ADGRL3: variants seen among roughly 807,000 people sequenced by gnomAD.
ADGRL3 encodes calcium-independent alpha-latrotoxin receptor 3.
Under a neutral mutation model 153.5 loss-of-function variants are expected in ADGRL3, and 62 were observed. The ratio of observed to expected loss-of-function variants is 0.40; its 90% CI spans 0.33 to 0.50. The LOEUF (loss-of-function observed/expected upper bound fraction) is 0.50, where lower values mean the gene tolerates loss of function less well. ADGRL3 is among the 20% of genes least tolerant of loss of function. The pLI is 0.47. For synonymous variants in ADGRL3, 710 were observed against 672.5 expected (o/e 1.06, Z -0.86); for missense variants, 1,641 against 1,859.4 (o/e 0.88, Z 2.16).
chr4:61,335,947 G>A (rs1177711077), intron 1 of ADGRL3, among the ~76,000 whole-genome samples: 1 of 152,092 alleles, frequency 6.6e-6, no homozygotes, highest in Non-Finnish European at 1.5e-5. Context: ...ACTATTTGAA[G>A]CTGTGCTCTC....
intron 9 of ADGRL3, among the ~76,000 whole-genome samples, chr4:61,841,959 G>A (rs955421694): frequency 3.9e-5 from 6 of 152,200 alleles, no homozygotes; most frequent in Admixed American, 2.6e-4. Flanking sequence ...AGCCAGCAGG[G>A]TTGACACCAT....
chr4:61,605,582 T>C (rs2099029429), intron 5 of ADGRL3, among the ~76,000 whole-genome samples: 1 of 152,198 alleles, frequency 6.6e-6, no homozygotes, highest in Non-Finnish European at 1.5e-5. Context: ...GTGTGAGTAG[T>C]TATAGTCTAG....
chr4:61,868,596 T>C (rs2098416989), intron 9 of ADGRL3, among the ~76,000 whole-genome samples: 1 of 152,230 alleles, frequency 6.6e-6, no homozygotes, highest in African/African-American at 2.4e-5. Flanking sequence ...TTAACTTTAC[T>C]GTTGATTATA....
intron 5 of ADGRL3, among the ~76,000 whole-genome samples, chr4:61,626,885 G>A (rs2092862721): frequency 6.6e-6 from 1 of 152,060 alleles, no homozygotes; most frequent in African/African-American, 2.4e-5. Context: ...CTTAGAGGTA[G>A]TGCACAGTTG....
At chr4:61,359,305 A>G (rs1217653667) in intron 1 of ADGRL3, among the ~76,000 whole-genome samples, 2 of 152,336 alleles carry the variant, frequency 1.3e-5, no homozygotes, top group Non-Finnish European at 2.9e-5. Context: ...TATAAGTTGT[A>G]TCATGTTACT....
At chr4:61,545,621 C>T (rs1471215258) in intron 4 of ADGRL3, among the ~76,000 whole-genome samples, 1 of 152,196 alleles carries the variant, frequency 6.6e-6, no homozygotes, top group African/African-American at 2.4e-5. Flanking sequence ...TCAAGTGATT[C>T]TCCGGCCTCA....
chr4:61,480,719 G>T (rs1174635612), intron 2 of ADGRL3, among the ~76,000 whole-genome samples: 2 of 152,032 alleles, frequency 1.3e-5, no homozygotes, highest in Non-Finnish European at 2.9e-5. Context: ...GGAGGCAGAG[G>T]TTGCCATGAG....
At chr4:61,908,177 T>C (rs1560358052) in intron 11 of ADGRL3, among the ~76,000 whole-genome samples, 1 of 151,996 alleles carries the variant, frequency 6.6e-6, no homozygotes, top group Non-Finnish European at 1.5e-5. Flanking sequence ...CATTGGAGGA[T>C]GAGCTGGGAG....
chr4:61,711,468 A>C (rs977734695), intron 6 of ADGRL3, among the ~76,000 whole-genome samples: 2 of 87,772 alleles, frequency 2.3e-5, no homozygotes, highest in African/African-American at 9.0e-5. Flanking sequence ...TTATATATAT[A>C]TATATATATA....
intron 21 of ADGRL3, among the ~76,000 whole-genome samples, chr4:62,013,024 G>A (rs2099193694): frequency 6.6e-6 from 1 of 152,126 alleles, no homozygotes; most frequent in South Asian, 2.1e-4. Flanking sequence ...GATGAGTTTG[G>A]GAGCTGTACA....
intron 1 of ADGRL3, among the ~76,000 whole-genome samples, chr4:61,296,748 T>G (rs2094426541): frequency 6.6e-6 from 1 of 152,200 alleles, no homozygotes. Context: ...TATGATATTG[T>G]GTACCTTTAT....
chr4:61,537,391 G>A (rs1489141168), intron 4 of ADGRL3, among the ~76,000 whole-genome samples: 2 of 151,930 alleles, frequency 1.3e-5, no homozygotes, highest in Admixed American at 6.6e-5. Context: ...TCTTGCAAGT[G>A]TTAATTTACT....
At chr4:61,908,086 G>A (rs138128793) in intron 11 of ADGRL3, among the ~76,000 whole-genome samples, 11 of 152,112 alleles carry the variant, frequency 7.2e-5, no homozygotes, top group African/African-American at 2.2e-4. Flanking sequence ...GAAGGATAGC[G>A]TAAGACCAGG....
chr4:61,424,085 CAG>C (rs772525527), intron 2 of ADGRL3, among the ~76,000 whole-genome samples: 2 of 152,084 alleles, frequency 1.3e-5, no homozygotes, highest in South Asian at 2.1e-4. Flanking sequence ...AAAGAACACT[CAG>C]GGGGTGAAGG....
At chr4:61,238,896 A>G (rs1433111558) in intron 1 of ADGRL3, among the ~76,000 whole-genome samples, 1 of 152,168 alleles carries the variant, frequency 6.6e-6, no homozygotes, top group African/African-American at 2.4e-5. Flanking sequence ...CTGATTTATG[A>G]CATGAAAATT....
chr4:61,340,890 G>A (rs2095795707), intron 1 of ADGRL3, among the ~76,000 whole-genome samples: 1 of 151,424 alleles, frequency 6.6e-6, no homozygotes, highest in African/African-American at 2.4e-5. Context: ...ATACCAATAT[G>A]TTTTTCCATT....
At position 62,026,870 on chromosome 4, in the gene ADGRL3, A is replaced by G. The variant is rs1718923921; in HGVS notation, c.3396-1985A>G. ...ATGATGGATACATTAATTTGCTTCA[A>G]TATAGTAACTGTTTTACTATCTACA... On this transcript the variant is annotated intron_variant, in intron 21 of 26. Coordinates refer to ENST00000683033, the MANE Select transcript of ADGRL3 (RefSeq NM_001387552.1). Among the ~76,000 whole-genome samples the G allele has an allele frequency of 2.0e-5, 3 of 152,120 alleles. No homozygotes were observed. In the South Asian group the frequency reaches 6.2e-4, roughly 31 times the overall value.
intron 2 of ADGRL3, among the ~76,000 whole-genome samples, chr4:61,428,935 ATCTATCTG>A (rs757931769): frequency 4.2e-5 from 6 of 142,686 alleles, no homozygotes; most frequent in Admixed American, 7.3e-5. Context: ...CTATCTATCT[ATCTATCTG>A]TCATTCCAGA....
At chr4:61,713,365 C>T (rs1354522165) in intron 6 of ADGRL3, among the ~76,000 whole-genome samples, 4 of 151,958 alleles carry the variant, frequency 2.6e-5, no homozygotes, top group Non-Finnish European at 5.9e-5. Flanking sequence ...GATGAATCAG[C>T]AAGTATTTAT....
Sources: gnomAD v4.1 joint callset for allele counts (sites outside exome capture counted in the v4.1 genomes callset) on GRCh38, gnomAD v4.1.1 for gene constraint, MANE v1.5 for transcripts, NCBI Gene and HGNC (gene_info 2026-07-23, HGNC 2026-07-21) for gene names.